The following U2SURP variants were observed in gnomAD, a reference collection of about 807,000 sequenced individuals.
U2SURP encodes the protein U2 snRNP associated SURP domain containing, also known as U2 snRNP-associated SURP motif-containing protein.
In U2SURP, 9 loss-of-function variants were observed where a neutral mutation model predicts 144.9. The ratio of observed to expected loss-of-function variants is 0.06; its 90% CI spans 0.04 to 0.11. The LOEUF (loss-of-function observed/expected upper bound fraction) is 0.11. Among genes scored for constraint, U2SURP ranks in the 10% least tolerant of loss-of-function variants. The pLI is 1.00. For missense variants in U2SURP, 724 were observed against 1,226.7 expected (o/e 0.59, Z 6.12); for synonymous variants, 408 against 396.8 (o/e 1.03, Z -0.33).
intron 6 of U2SURP, among the ~76,000 whole-genome samples, chr3:143,019,632 C>G (rs2108281247): frequency 6.6e-6 from 1 of 152,310 alleles, no homozygotes; most frequent in South Asian, 2.1e-4. Flanking sequence ...AAAGATGTTA[C>G]TTACTGTTCC....
intron 24 of U2SURP, among the ~76,000 whole-genome samples, chr3:143,049,764 C>A (rs9876668): frequency 6.6e-6 from 1 of 152,110 alleles, no homozygotes; most frequent in Admixed American, 6.5e-5. Flanking sequence ...TGAATTTATT[C>A]TTTTTACTAT....
At chr3:143,028,969 C>G (rs1933316495) in intron 16 of U2SURP, among the ~76,000 whole-genome samples, 1 of 152,106 alleles carries the variant, frequency 6.6e-6, no homozygotes, top group Non-Finnish European at 1.5e-5. Flanking sequence ...TCTCTGAATG[C>G]AACATAAAGA....
rs1040123519 is a variant in U2SURP at position 143,058,345 on chromosome 3, A to AT, written c.*1897dup. On this transcript the variant is annotated 3_prime_UTR_variant, in exon 28 of 28. Coordinates refer to ENST00000473835, the MANE Select transcript of U2SURP (RefSeq NM_001080415.2). ...TCTTCAAAAAAAGACATCCTGCGGG[A>AT]TTGAGTAGAAAATTTTAGGTCAGTT... is the stretch of plus-strand genomic sequence containing the variant. The AT allele has an allele frequency of 9.2e-5, 14 of 151,834 alleles. No individual in the cohort carries two copies. The highest frequency in any genetic ancestry group is 3.4e-4 in the African/African-American group (14 of 41,400). The allele number at this position is 151,834 out of a possible 1,614,324, so 9.4% of individuals were successfully genotyped here. A position where few individuals can be genotyped will look rare whatever the true frequency, so the allele number is the denominator to read the frequency against.
Position 143,033,366 on chromosome 3 carries a change from T to C in U2SURP, c.1853+16T>C, listed in dbSNP as rs1350821233. 2.4e-6 allele frequency: 3 copies of C among 1,275,094 alleles called. No individual in the cohort carries two copies. The highest frequency in any genetic ancestry group is 1.5e-5 in the African/African-American group (1 of 66,898). The allele number at this position is 1,275,094 out of a possible 1,614,324, so 79.0% of individuals were successfully genotyped here. ...ATAGAAAATTGTAAGTATAATGATA[T>C]AACTGATATTCCTGAAATAAAGTAT... On this transcript the variant is annotated intron_variant, in intron 18 of 27. Coordinates refer to ENST00000473835, the MANE Select transcript of U2SURP (RefSeq NM_001080415.2).
chr3:143,011,993 A>T (rs1276420002), intron 2 of U2SURP: 1 of 646,218 alleles, frequency 1.5e-6, no homozygotes, highest in Non-Finnish European at 2.8e-6. Flanking sequence ...CTTCAAGGAA[A>T]ACAACTGTTA....
At chr3:143,040,803 C>T (rs1489945529) in intron 23 of U2SURP, among the ~76,000 whole-genome samples, 2 of 151,714 alleles carry the variant, frequency 1.3e-5, no homozygotes, top group African/African-American at 4.8e-5. Flanking sequence ...ATGAATAGAG[C>T]TCATTTAAAA....
intron 26 of U2SURP, among the ~76,000 whole-genome samples, chr3:143,054,492 C>T (rs1935048271): frequency 6.6e-6 from 1 of 152,126 alleles, no homozygotes; most frequent in Admixed American, 6.5e-5. Flanking sequence ...AGGAAAGTTG[C>T]AAGAATAGTA....
intron 8 of U2SURP, among the ~76,000 whole-genome samples, chr3:143,021,062 G>A (rs774535298): frequency 1.3e-5 from 2 of 152,074 alleles, no homozygotes; most frequent in East Asian, 1.9e-4. Flanking sequence ...GTGGTGGTGC[G>A]TGCCTGTAAT....
At chr3:143,048,478 C>T (rs1194735785) in intron 24 of U2SURP, among the ~76,000 whole-genome samples, 4 of 152,228 alleles carry the variant, frequency 2.6e-5, no homozygotes, top group South Asian at 4.1e-4. Context: ...TTGCCCACCC[C>T]ACCCCCTTGC....
chr3:143,054,813 G>GT, intron 26 of U2SURP, 130 bp from the exon 27 acceptor site: 3 of 966,424 alleles, frequency 3.1e-6, no homozygotes, highest in Non-Finnish European at 4.3e-6. Flanking sequence ...TTTGAGTATT[G>GT]TTAAAAGTAA....
At position 143,052,232 on chromosome 3, in the gene U2SURP, T is replaced by C. The variant is rs192174568; in HGVS notation, c.2655+1183T>C. On this transcript the variant is annotated intron_variant, in intron 25 of 27. Coordinates refer to ENST00000473835, the MANE Select transcript of U2SURP (RefSeq NM_001080415.2). ...CAGCATGGATAAACCCCGTCTCTAC[T>C]AAAAATACAAAATTATCTGGGTGTG... Among the ~76,000 whole-genome samples, 453 of 152,208 alleles carry C rather than the reference T, an allele frequency of 3.0e-3. 6 individuals carry two copies. Among genetic ancestry groups the C allele is most frequent in the African/African-American group, 0.01 (430 of 41,528 alleles).
At chr3:143,021,318 A>G in intron 8 of U2SURP, 32 bp from the exon 9 acceptor site, 1 of 1,567,100 alleles carries the variant, frequency 6.4e-7, no homozygotes, top group Non-Finnish European at 8.7e-7. Flanking sequence ...TATTATAAAA[A>G]CTAATAATTG....
intron 1 of U2SURP, among the ~76,000 whole-genome samples, chr3:143,004,411 T>C (rs1433896421): frequency 1.5e-5 from 2 of 129,706 alleles, no homozygotes; most frequent in Non-Finnish European, 1.6e-5. Context: ...TCGCCCAGGC[T>C]GGAGTGCAGT....
chr3:143,046,656 G>A (rs1172972828), intron 24 of U2SURP, among the ~76,000 whole-genome samples: 2 of 104,502 alleles, frequency 1.9e-5, no homozygotes, highest in East Asian at 2.5e-4. Flanking sequence ...CAGATCAACA[G>A]GATCCCAAGG....
At chr3:143,025,635 C>G (rs1365370648) in intron 13 of U2SURP, 2 of 152,088 alleles carry the variant, frequency 1.3e-5, no homozygotes, top group African/African-American at 4.8e-5. Context: ...ATTTGCAGAG[C>G]AATTACTTCT....
intron 1 of U2SURP, among the ~76,000 whole-genome samples, chr3:143,005,295 C>A (rs1246497962): frequency 1.3e-5 from 2 of 152,230 alleles, no homozygotes; most frequent in Admixed American, 6.5e-5. Flanking sequence ...AAAAGTATCA[C>A]TTTTAAGAAA....
At chr3:143,028,670 A>T in intron 16 of U2SURP, 24 bp downstream of exon 16, 1 of 1,561,034 alleles carries the variant, frequency 6.4e-7, no homozygotes, top group African/African-American at 1.4e-5. Flanking sequence ...CCTTTCTATT[A>T]TATATTCAGA....
intron 24 of U2SURP, among the ~76,000 whole-genome samples, chr3:143,047,577 G>T (rs1934579425): frequency 2.2e-5 from 1 of 44,748 alleles, no homozygotes. Flanking sequence ...GCGGGGGGCT[G>T]ACCCCCCCCA....
At chr3:143,017,508 TATG>T (rs1936429078) in intron 6 of U2SURP, among the ~76,000 whole-genome samples, 1 of 152,054 alleles carries the variant, frequency 6.6e-6, no homozygotes, top group Non-Finnish European at 1.5e-5. Flanking sequence ...GGTGAATAAA[TATG>T]ATTGCATTGA....
Sources: gnomAD v4.1 joint callset for allele counts (sites outside exome capture counted in the v4.1 genomes callset) on GRCh38, gnomAD v4.1.1 for gene constraint, MANE v1.5 for transcripts, NCBI Gene and HGNC (gene_info 2026-07-23, HGNC 2026-07-21) for gene names.